EML3: variants seen among roughly 807,000 people sequenced by gnomAD.
EML3 encodes EMAP like 3, also known as echinoderm microtubule-associated protein-like 3.
In EML3, 53 loss-of-function variants were observed where a neutral mutation model predicts 106.7. The observed-to-expected ratio is 0.50, with a 90% confidence interval of 0.40 to 0.62. The LOEUF is 0.62. EML3 is among the 20% of genes least tolerant of loss of function. The pLI, the probability that EML3 is intolerant of heterozygous loss-of-function variation, is 0.00. For synonymous variants in EML3, 499 were observed against 489.6 expected, an observed-to-expected ratio of 1.02 and a Z score of -0.25; for missense variants, 994 against 1,209.1, an observed-to-expected ratio of 0.82 and a Z score of 2.64.
chr11:62,602,694 G>T lies in EML3; in HGVS notation c.2488-16C>A. ...GGCTCGGCGCCTGGGCCGGAGGGAA[G>T]AGTTGCGGTGGCGGCTGAGCCCTCG... On this transcript the variant is annotated splice_polypyrimidine_tract_variant and intron_variant, in intron 21 of 21. Coordinates refer to ENST00000394773, the MANE Select transcript of EML3 (RefSeq NM_153265.3). The T allele has an allele frequency of 6.3e-7, 1 of 1,599,198 alleles. No homozygotes were observed. Among genetic ancestry groups the T allele is most frequent in the South Asian group, 1.1e-5 (1 of 89,762 alleles).
Position 62,609,074 on chromosome 11 carries a change from C to T in EML3, c.817G>A (p.Val273Met). The change falls in exon 7 of 22, where the codon GTG (valine) becomes ATG (methionine). Residue 273 changes from valine to methionine, a missense_variant. Val to Met is a conservative substitution (Grantham distance 21). This residue lies in a region of EML3 where 713 missense variants were observed against 920.5 expected (regional missense o/e 0.77). Coordinates refer to ENST00000394773, the MANE Select transcript of EML3 (RefSeq NM_153265.3). ...SNLFVLRSGE[V>M]VYFIACVVVL... ...ACCACACAGGCGATAAAGTAGACCACCTCCCCAGAGCGCAACACAAACAGA... is the reference window on the plus strand; with the variant it reads ...ACCACACAGGCGATAAAGTAGACCATCTCCCCAGAGCGCAACACAAACAGA... 1.2e-6 allele frequency: 2 copies of T among 1,614,152 alleles called. No individual in the cohort carries two copies. The highest frequency in any genetic ancestry group is 1.7e-6 in the Non-Finnish European group (2 of 1,180,044).
chr11:62,611,488 A>G lies in EML3; in HGVS notation c.131T>C (p.Leu44Pro), dbSNP rs778101974. The G allele has an allele frequency of 1.2e-6, 2 of 1,613,788 alleles. No homozygotes were observed. The highest frequency in any genetic ancestry group is 1.7e-6 in the Non-Finnish European group (2 of 1,179,950). The change falls in exon 2 of 22, where the codon CTG becomes CCG. Residue 44 changes from leucine to proline, a missense_variant. Leu to Pro is a moderately conservative substitution (Grantham distance 98, BLOSUM62 -3). This residue lies in a region of EML3 where 269 missense variants were observed against 265.1 expected (regional missense o/e 1.01). Coordinates refer to ENST00000394773, the MANE Select transcript of EML3 (RefSeq NM_153265.3). ...GGAGGAAGGGGGCACCTGCAGCCGC[A>G]GCAGGCGAAGGGCTTCTGCCAGGGC... ...KAALAEALRLLRLQVPPSSLQ... is the reference protein window; with the variant it reads ...KAALAEALRLPRLQVPPSSLQ...
In EML3 at chr11:62,604,023, A is replaced by G. The variant is rs771127696; in HGVS notation, c.2090T>C (p.Ile697Thr). Residue 697 changes from isoleucine to threonine, a missense_variant, in exon 18 of 22, where the codon ATT becomes ACT. Physicochemically the swap from Ile to Thr is moderately conservative, Grantham distance 89. Transcript: ENST00000394773. ...GTAGATCACGTTGTCATGGGAACCA[A>G]TGGCCAGGTACAACCCATCTGCAAA... ...RYSPDGLYLA[I>T]GSHDNVIYIY... 6.2e-7 allele frequency: 1 copy of G among 1,614,026 alleles called. No homozygotes were observed. Among genetic ancestry groups the G allele is most frequent in the East Asian group, 2.2e-5 (1 of 44,880 alleles).
chr11:62,602,758 C>T lies in EML3; in HGVS notation c.2487+1G>A, dbSNP rs200340442. On this transcript the variant is annotated splice_donor_variant, in intron 21 of 21. Coordinates refer to ENST00000394773, the MANE Select transcript of EML3 (RefSeq NM_153265.3). LOFTEE classifies it high-confidence loss of function. Reference sequence around the variant, plus strand: ...CACCCCGGCGATCCCCGCGGCCTCACCTTGGCACGAGCGCACGGGTACTGG... The same window carrying T: ...CACCCCGGCGATCCCCGCGGCCTCATCTTGGCACGAGCGCACGGGTACTGG... 35 of 1,611,068 alleles carry T rather than the reference C, an allele frequency of 2.2e-5. No homozygotes were observed. The highest frequency in any genetic ancestry group is 4.2e-6 in the Non-Finnish European group (5 of 1,179,278).
Position 62,605,024 on chromosome 11 carries a change from AGGT to A in EML3, c.1982+86_1982+88del. On this transcript the variant is annotated intron_variant, in intron 16 of 21. Transcript: ENST00000394773. The surrounding 1 kb of genome is among the most constrained non-coding windows in gnomAD (Gnocchi z 5.2). ...CAAGGCGCAGGTGGCTCCTGGGTAG[AGGT>A]GGTCACTCTCGCCCACTCCCCCAGT... is the stretch of plus-strand genomic sequence containing the variant. 1 of 1,343,104 alleles carries A rather than the reference AGGT, an allele frequency of 7.4e-7. No individual in the cohort carries two copies. Among genetic ancestry groups the A allele is most frequent in the Non-Finnish European group, 1.0e-6 (1 of 988,418 alleles). The allele number at this position is 1,343,104 out of a possible 1,614,324, so 83.2% of individuals were successfully genotyped here.
chr11:62,610,689 G>T (rs1488521170), intron 4 of EML3, among the ~76,000 whole-genome samples, 190 bp downstream of exon 4: 1 of 152,210 alleles, frequency 6.6e-6, no homozygotes, highest in African/African-American at 2.4e-5. Flanking sequence ...TGTGGGGACT[G>T]ACTGAGATGG....
At position 62,604,160 on chromosome 11, in the gene EML3, T is replaced by C. The variant is rs537636064; in HGVS notation, c.2024A>G (p.Asp675Gly). The change falls in exon 17 of 22, where the codon GAT becomes GGT. Residue 675 changes from aspartate to glycine, a missense_variant. Asp to Gly is a moderately conservative substitution (Grantham distance 94). Around this residue, in one of 3 missense-constraint regions of EML3, gnomAD observed 713 missense variants for 920.5 expected, o/e 0.77. Coordinates refer to ENST00000394773, the MANE Select transcript of EML3 (RefSeq NM_153265.3). Reference sequence around the variant, plus strand: ...GAGCTGCTCATTGCCATCAATGACATCAGACACGATCTCTCTGGTCTCTGT... The same window carrying C: ...GAGCTGCTCATTGCCATCAATGACACCAGACACGATCTCTCTGGTCTCTGT... ...LDTETREIVSDVIDGNEQLSV... is the reference protein window; with the variant it reads ...LDTETREIVSGVIDGNEQLSV... The C allele has an allele frequency of 6.2e-7, 1 of 1,613,492 alleles. No homozygotes were observed. Among genetic ancestry groups the C allele is most frequent in the South Asian group, 1.1e-5 (1 of 91,022 alleles).
chr11:62,612,286 G>A, intron 1 of EML3, 150 bp downstream of exon 1: 2 of 744,522 alleles, frequency 2.7e-6, no homozygotes. Context: ...CAACTAGGGA[G>A]GGCGACCGGA....
In EML3 at chr11:62,607,765, G is replaced by A. The variant is rs1487138596; in HGVS notation, c.1263C>T (p.Ile421=). The change falls in exon 11 of 22, where the codon ATC becomes ATT. Residue 421 remains isoleucine, a synonymous_variant. Transcript: ENST00000394773. ...GGACGTGAGATTTCCCACTGGTGACGATGCAGCTGCTGTCACGAGGGTTGA... is the reference window on the plus strand; with the variant it reads ...GGACGTGAGATTTCCCACTGGTGACAATGCAGCTGCTGTCACGAGGGTTGA... ...VGFNPRDSSC[I]VTSGKSHVHF... The A allele has an allele frequency of 2.5e-6, 4 of 1,613,792 alleles. No individual in the cohort carries two copies. The highest frequency in any genetic ancestry group is 2.5e-6 in the Non-Finnish European group (3 of 1,179,968).
chr11:62,602,827 G>C lies in EML3; in HGVS notation c.2419C>G (p.Arg807Gly), dbSNP rs771708133. 3.7e-6 allele frequency: 6 copies of C among 1,607,832 alleles called. No individual in the cohort carries two copies. The South Asian group carries it at 6.6e-5, about 18-fold the overall frequency. ...AAGTCGTCGGCCACCGCCACCACGCGCTCGTTGTGGGAGCGGCACAGGGAG... is the reference window on the plus strand; with the variant it reads ...AAGTCGTCGGCCACCGCCACCACGCCCTCGTTGTGGGAGCGGCACAGGGAG... ...INSLCRSHNE[R>G]VVAVADDFCK... Residue 807 changes from arginine (R) to glycine (G), a missense_variant, in exon 21 of 22, where the codon CGC (arginine) becomes GGC (glycine). Around this residue, in one of 3 missense-constraint regions of EML3, gnomAD observed 713 missense variants for 920.5 expected, o/e 0.77. Transcript: ENST00000394773.
chr11:62,609,116 G>A lies in EML3; in HGVS notation c.775C>T (p.Arg259Cys), dbSNP rs201124683. The A allele has an allele frequency of 5.6e-6, 9 of 1,613,926 alleles. No individual in the cohort carries two copies. Among genetic ancestry groups the A allele is most frequent in the African/African-American group, 1.3e-5 (1 of 75,006 alleles). ...ACAAACAGATTAGAGCGGGAGTCAC[G>A]ACCCCTGTACCCATAACTGGGGTGG... ...SLDWVYGYRG[R>C]DSRSNLFVLR... The change falls in exon 7 of 22, where the codon CGT becomes TGT. Residue 259 changes from arginine to cysteine, a missense_variant. By Grantham distance (180) the Arg-to-Cys change is radical. This residue lies in a region of EML3 where 713 missense variants were observed against 920.5 expected (regional missense o/e 0.77). Coordinates refer to ENST00000394773, the MANE Select transcript of EML3 (RefSeq NM_153265.3).
rs1476272608 is a variant in EML3, at chr11:62,605,426, G to A, written c.1914+216C>T. 6.6e-6 allele frequency among the ~76,000 whole-genome samples: 1 copy of A among 152,148 alleles called. No homozygotes were observed. Among genetic ancestry groups the A allele is most frequent in the African/African-American group, 2.4e-5 (1 of 41,406 alleles). ...GGTGCTGGATCAAGAGGAAGTCTGAGGGGTTCTGGGGGCGGCAGGGAGTGC... is the reference window on the plus strand; with the variant it reads ...GGTGCTGGATCAAGAGGAAGTCTGAAGGGTTCTGGGGGCGGCAGGGAGTGC... On this transcript the variant is annotated intron_variant, in intron 15 of 21. Coordinates refer to ENST00000394773, the MANE Select transcript of EML3 (RefSeq NM_153265.3). This position sits in a 1 kb window ranked among gnomAD's most constrained non-coding sequence, Gnocchi z 5.2.
intron 4 of EML3, among the ~76,000 whole-genome samples, chr11:62,610,439 A>T (rs553702709): frequency 2.5e-4 from 38 of 152,268 alleles, no homozygotes; most frequent in African/African-American, 9.1e-4. Flanking sequence ...CAGCGGAAAG[A>T]GGGCTGAAGC....
intron 12 of EML3, 102 bp downstream of exon 12, chr11:62,606,856 C>CAAAAAA: frequency 2.3e-5 from 21 of 915,828 alleles, no homozygotes; most frequent in South Asian, 4.3e-5. Context: ...GACCTCATCT[C>CAAAAAA]AAAAAAAAAA....
In EML3 at chr11:62,611,220, G is replaced by A. The variant is rs1244021178; in HGVS notation, c.319C>T (p.Pro107Ser). ...PGPPGLSNGP[P>S]APQGASEEPS... Reference sequence around the variant, plus strand: ...TCTTCGCTGGCCCCCTGAGGGGCTGGGGGTCCATTGCTCAGGCCAGGGGGT... The same window carrying A: ...TCTTCGCTGGCCCCCTGAGGGGCTGAGGGTCCATTGCTCAGGCCAGGGGGT... Residue 107 changes from proline (P) to serine (S), a missense_variant, in exon 3 of 22, where the codon CCA becomes TCA. Pro to Ser is a moderately conservative substitution (Grantham distance 74). Transcript: ENST00000394773. The A allele has an allele frequency of 2.5e-6, 4 of 1,611,384 alleles. No individual in the cohort carries two copies. The highest frequency in any genetic ancestry group is 3.4e-6 in the Non-Finnish European group (4 of 1,179,554).
chr11:62,606,840 G>C, intron 12 of EML3, 118 bp downstream of exon 12: 1 of 1,208,510 alleles, frequency 8.3e-7, no homozygotes, highest in Non-Finnish European at 1.1e-6. Context: ...CTGGGCAACA[G>C]AGTAAGACCT....
intron 10 of EML3, 187 bp downstream of exon 10, chr11:62,608,014 C>T (rs1209541911): frequency 5.1e-6 from 4 of 783,046 alleles, no homozygotes; most frequent in Non-Finnish European, 8.4e-6. Flanking sequence ...ATACCTAACA[C>T]ATTATGCCTC....
chr11:62,603,092 A>C, intron 20 of EML3, 57 bp downstream of exon 20: 2 of 1,604,924 alleles, frequency 1.2e-6, no homozygotes, highest in Non-Finnish European at 1.7e-6. Flanking sequence ...TTCCAAGCCC[A>C]AACTGGGCTC....
chr11:62,605,514 C>T lies in EML3; in HGVS notation c.1914+128G>A. On this transcript the variant is annotated intron_variant, in intron 15 of 21. Coordinates refer to ENST00000394773, the MANE Select transcript of EML3 (RefSeq NM_153265.3). The surrounding 1 kb of genome is among the most constrained non-coding windows in gnomAD (Gnocchi z 5.2). ...TACAGAAAAATTAATATTTGAGTAG[C>T]CAGTGCAGCCATACCAGTACAAACT... The T allele has an allele frequency of 8.0e-7, 1 of 1,257,702 alleles. No homozygotes were observed. The highest frequency in any genetic ancestry group is 1.1e-6 in the Non-Finnish European group (1 of 923,080). 77.9% of individuals were successfully genotyped at this position (1,257,702 alleles called of 1,614,324 possible).
Sources: gnomAD v4.1 joint callset for allele counts (sites outside exome capture counted in the v4.1 genomes callset) on GRCh38, gnomAD v4.1.1 for gene constraint, gnomAD v4.1.1 regional missense constraint, Gnocchi (gnomAD v3.1) non-coding constraint, MANE v1.5 for transcripts, NCBI Gene and HGNC (gene_info 2026-07-23, HGNC 2026-07-21) for gene names.